GOLGA8R: variants seen among roughly 807,000 people sequenced by gnomAD.
GOLGA8R encodes golgin subfamily A member 8R.
GOLGA8R carries 6 observed loss-of-function variants against 21.4 expected under a neutral mutation model. That is an observed-to-expected ratio of 0.28 (90% CI 0.15 to 0.55). GOLGA8R has a LOEUF of 0.55. Among genes scored for constraint, GOLGA8R ranks in the 20% least tolerant of loss-of-function variants. GOLGA8R has a pLI of 0.94. For synonymous variants in GOLGA8R, 8 were observed against 49.3 expected (o/e 0.16, Z 3.51); for missense variants, 41 against 139.9 (o/e 0.29, Z 3.57).
intron 2 of GOLGA8R, chr15:30,411,992 C>T (rs1414923586): frequency 9.3e-5 from 13 of 140,000 alleles, no homozygotes; most frequent in East Asian, 5.6e-4. Flanking sequence ...TAATCTTGGC[C>T]ACTGCAAGCT....
rs1192036187 is a variant in GOLGA8R, at chr15:30,402,924, C to T, written c.*816G>A. On this transcript the variant is annotated 3_prime_UTR_variant, in exon 19 of 19. Transcript: ENST00000327271. ...ACCTTTCATTCCTCAGAAATAAGCCCTTTTTAGGTCATCGAAAAAGAGTGC... is the reference window on the plus strand; with the variant it reads ...ACCTTTCATTCCTCAGAAATAAGCCTTTTTTAGGTCATCGAAAAAGAGTGC... Among the ~76,000 whole-genome samples the T allele has an allele frequency of 1.6e-5, 2 of 124,488 alleles. No homozygotes were observed. Among genetic ancestry groups the T allele is most frequent in the African/African-American group, 6.2e-5 (2 of 32,186 alleles). The allele number at this position is 124,488 out of a possible 152,430, so 81.7% of individuals were successfully genotyped here. A position where few individuals can be genotyped will look rare whatever the true frequency, so the allele number is the denominator to read the frequency against.
rs1178820285 is a variant in GOLGA8R at position 30,400,838 on chromosome 15, AT to A, written c.*2901del. Among the ~76,000 whole-genome samples, 3 of 65,700 alleles carry A rather than the reference AT, an allele frequency of 4.6e-5. No homozygotes were observed. Among genetic ancestry groups the A allele is most frequent in the Non-Finnish European group, 7.6e-5 (2 of 26,358 alleles). 43.1% of individuals were successfully genotyped at this position (65,700 alleles called of 152,430 possible). ...TTCAGAACATTAAGATAGCAGTTAC[AT>A]TTTTTAATAGTTATTTTAAAATGAC... On this transcript the variant is annotated 3_prime_UTR_variant, in exon 19 of 19. Transcript: ENST00000327271.
At chr15:30,411,948 T>C (rs1183040005) in intron 2 of GOLGA8R, 5 of 166,390 alleles carry the variant, frequency 3.0e-5, no homozygotes, top group African/African-American at 1.9e-4. Flanking sequence ...TGAGACAGAG[T>C]CTTGCTCTGT....
chr15:30,407,984 T>G lies in GOLGA8R; in HGVS notation c.795A>C (p.Thr265=), dbSNP rs1354700330. 3 of 1,612,532 alleles carry G rather than the reference T, an allele frequency of 1.9e-6. No homozygotes were observed. Among genetic ancestry groups the G allele is most frequent in the Non-Finnish European group, 2.5e-6 (3 of 1,178,994 alleles). Reference sequence around the variant, plus strand: ...GCATATCCTGCTTCTCTTTCTTTAATGTGCAAATCTGCCCAAAGCACAGGG... The same window carrying G: ...GCATATCCTGCTTCTCTTTCTTTAAGGTGCAAATCTGCCCAAAGCACAGGG... The part of the protein sequence containing the change: ...RMSKMSQEIC[T]LKKEKQDMRW... Residue 265 remains threonine (T), a synonymous_variant, in exon 11 of 19, where the codon ACA becomes ACC. Transcript: ENST00000327271.
At chr15:30,407,751 A>T (rs1217704027) in intron 11 of GOLGA8R, among the ~76,000 whole-genome samples, 157 bp downstream of exon 11, 1 of 152,268 alleles carries the variant, frequency 6.6e-6, no homozygotes, top group Non-Finnish European at 1.5e-5. Flanking sequence ...AGACACTGAG[A>T]CTCACTGAGA....
chr15:30,412,056 C>T (rs2059128729), intron 2 of GOLGA8R: 2 of 19,760 alleles, frequency 1.0e-4, no homozygotes, highest in African/African-American at 1.5e-4. Context: ...GTAGCTGGGA[C>T]TACAGGCACA....
At chr15:30,410,342 A>C in intron 4 of GOLGA8R, 75 bp from the exon 5 acceptor site, 1 of 863,240 alleles carries the variant, frequency 1.2e-6, no homozygotes, top group Admixed American at 2.6e-5. Flanking sequence ...AGCGGTAGGC[A>C]GGGGCCAGGA....
rs1358009442 is a variant in GOLGA8R, at chr15:30,408,051, G to T, written c.787-59C>A. On this transcript the variant is annotated intron_variant, in intron 10 of 18. Coordinates refer to ENST00000327271, the MANE Select transcript of GOLGA8R (RefSeq NM_001282484.1). ...AGAGGGGCTGGTGGCTGGACAGGCTGCCCTCTCCTTCTCTGCCCCCACCCC... is the reference window on the plus strand; with the variant it reads ...AGAGGGGCTGGTGGCTGGACAGGCTTCCCTCTCCTTCTCTGCCCCCACCCC... 5 of 1,536,830 alleles carry T rather than the reference G, an allele frequency of 3.3e-6. No individual in the cohort carries two copies. In the African/African-American group the frequency reaches 4.1e-5, roughly 13 times the overall value.
Position 30,408,005 on chromosome 15 carries a change from C to G in GOLGA8R, c.787-13G>C, listed in dbSNP as rs1319379856. On this transcript the variant is annotated splice_polypyrimidine_tract_variant and intron_variant, in intron 10 of 18. Coordinates refer to ENST00000327271, the MANE Select transcript of GOLGA8R (RefSeq NM_001282484.1). ...TTAATGTGCAAATCTGCCCAAAGCA[C>G]AGGGGGAAAGGGCCCTGGAGAGAGG... 8 of 1,613,068 alleles carry G rather than the reference C, an allele frequency of 5.0e-6. No homozygotes were observed. In the East Asian group the frequency reaches 8.9e-5, roughly 18 times the overall value.
intron 2 of GOLGA8R, chr15:30,411,924 C>A (rs1422364553): frequency 5.9e-6 from 1 of 170,208 alleles, no homozygotes; most frequent in East Asian, 1.7e-4. Flanking sequence ...ACCCAGAATT[C>A]CTTTTTTTTT....
rs376941908 is a variant in GOLGA8R at position 30,407,587 on chromosome 15, C to A, written c.872-56G>T. On this transcript the variant is annotated intron_variant, in intron 11 of 18. Transcript: ENST00000327271. The stretch of plus-strand genomic sequence containing the variant: ...TGGATTCTCGGAAAAGAAAAACCCT[C>A]CTCTTGGCGCACAGCTCCTCTCAGG... 336 of 640,680 alleles carry A rather than the reference C, an allele frequency of 5.2e-4. No individual in the cohort carries two copies. The East Asian group carries it at 8.0e-3, about 15-fold the overall frequency. 39.7% of individuals were successfully genotyped at this position (640,680 alleles called of 1,614,324 possible). A position where few individuals can be genotyped will look rare whatever the true frequency, so the allele number is the denominator to read the frequency against.
In GOLGA8R at chr15:30,402,994, C is replaced by T. The variant is rs2059055284; in HGVS notation, c.*746G>A. On this transcript the variant is annotated 3_prime_UTR_variant, in exon 19 of 19. Coordinates refer to ENST00000327271, the MANE Select transcript of GOLGA8R (RefSeq NM_001282484.1). The stretch of plus-strand genomic sequence containing the variant: ...GCAGTATCTTCATGAGCCCAGAGCA[C>T]ATACAAATCCTAAGGGAACCACCAT... 7.6e-6 allele frequency among the ~76,000 whole-genome samples: 1 copy of T among 131,154 alleles called. No homozygotes were observed. The highest frequency in any genetic ancestry group is 1.7e-5 in the Non-Finnish European group (1 of 60,198). The allele number at this position is 131,154 out of a possible 152,430, so 86.0% of individuals were successfully genotyped here.
At position 30,402,677 on chromosome 15, in the gene GOLGA8R, T is replaced by A. The variant is rs1488283903; in HGVS notation, c.*1063A>T. On this transcript the variant is annotated 3_prime_UTR_variant, in exon 19 of 19. Transcript: ENST00000327271. Reference sequence around the variant, plus strand: ...TCCTTCACTCTAATTCATTCTTGACTAGAGCCTGTATGCCTGTTCCAGGGA... The same window carrying A: ...TCCTTCACTCTAATTCATTCTTGACAAGAGCCTGTATGCCTGTTCCAGGGA... Among the ~76,000 whole-genome samples the A allele has an allele frequency of 3.5e-5, 1 of 28,484 alleles. No individual in the cohort carries two copies. Among genetic ancestry groups the A allele is most frequent in the Non-Finnish European group, 6.6e-5 (1 of 15,178 alleles). 18.7% of individuals were successfully genotyped at this position (28,484 alleles called of 152,430 possible). A position where few individuals can be genotyped will look rare whatever the true frequency, so the allele number is the denominator to read the frequency against.
chr15:30,408,025 G>A (rs553281107), intron 10 of GOLGA8R, 33 bp from the exon 11 acceptor site: 5 of 1,612,312 alleles, frequency 3.1e-6, no homozygotes, highest in Non-Finnish European at 3.4e-6. Flanking sequence ...GGGCCCTGGA[G>A]AGAGGGGCTG....
In GOLGA8R at chr15:30,407,954, C is replaced by A. The variant is rs1289548858; in HGVS notation, c.825G>T (p.Trp275Cys). ...ACAAGCTCCACTCCAGCTGCTCTAC[C>A]CAACGCATATCCTGCTTCTCTTTCT... is the stretch of plus-strand genomic sequence containing the variant. ...TLKKEKQDMR[W>C]VEQLEWSLSK... The change falls in exon 11 of 19, where the codon TGG (tryptophan) becomes TGT (cysteine). Residue 275 changes from tryptophan (W) to cysteine (C), a missense_variant. By Grantham distance (215) the Trp-to-Cys change is radical (BLOSUM62 -2). This residue lies in a region of GOLGA8R where 38 missense variants were observed against 32.6 expected (regional missense o/e 1.17). Coordinates refer to ENST00000327271, the MANE Select transcript of GOLGA8R (RefSeq NM_001282484.1). The A allele has an allele frequency of 1.9e-6, 3 of 1,595,906 alleles. No individual in the cohort carries two copies. The highest frequency in any genetic ancestry group is 2.6e-6 in the Non-Finnish European group (3 of 1,164,108).
rs1567413949 is a variant in GOLGA8R at position 30,407,981 on chromosome 15, T to G, written c.798A>C (p.Leu266Phe). 6.2e-7 allele frequency: 1 copy of G among 1,612,110 alleles called. No homozygotes were observed. The highest frequency in any genetic ancestry group is 1.1e-5 in the South Asian group (1 of 91,022). ...AACGCATATCCTGCTTCTCTTTCTT[T>G]AATGTGCAAATCTGCCCAAAGCACA... ...MSKMSQEICT[L>F]KKEKQDMRWV... The change falls in exon 11 of 19, where the codon TTA (leucine) becomes TTC (phenylalanine). Residue 266 changes from leucine (L) to phenylalanine (F), a missense_variant. This residue lies in a region of GOLGA8R where 38 missense variants were observed against 32.6 expected (regional missense o/e 1.17). Coordinates refer to ENST00000327271, the MANE Select transcript of GOLGA8R (RefSeq NM_001282484.1).
In GOLGA8R at chr15:30,407,945, C is replaced by T. The variant is rs1201052196; in HGVS notation, c.834G>A (p.Gln278=). The change falls in exon 11 of 19, where the codon CAG becomes CAA. Residue 278 remains glutamine, a synonymous_variant. Coordinates refer to ENST00000327271, the MANE Select transcript of GOLGA8R (RefSeq NM_001282484.1). ...TGAGTTTGGACAAGCTCCACTCCAG[C>T]TGCTCTACCCAACGCATATCCTGCT... ...KEKQDMRWVE[Q]LEWSLSKLKN... 1 of 1,608,172 alleles carries T rather than the reference C, an allele frequency of 6.2e-7. No individual in the cohort carries two copies. Among genetic ancestry groups the T allele is most frequent in the Non-Finnish European group, 8.5e-7 (1 of 1,175,172 alleles).
At chr15:30,406,884 C>A (rs1329144790) in intron 13 of GOLGA8R, 67 bp downstream of exon 13, 1 of 28,482 alleles carries the variant, frequency 3.5e-5, no homozygotes, top group South Asian at 3.5e-4. Flanking sequence ...GGCACCTCCC[C>A]TCCCAAGAGG....
chr15:30,408,049 C>A lies in GOLGA8R; in HGVS notation c.787-57G>T, dbSNP rs373501815. 19 of 1,572,462 alleles carry A rather than the reference C, an allele frequency of 1.2e-5. No individual in the cohort carries two copies. In the South Asian group the frequency reaches 1.7e-4, roughly 14 times the overall value. On this transcript the variant is annotated intron_variant, in intron 10 of 18. Transcript: ENST00000327271. ...AGAGAGGGGCTGGTGGCTGGACAGGCTGCCCTCTCCTTCTCTGCCCCCACC... is the reference window on the plus strand; with the variant it reads ...AGAGAGGGGCTGGTGGCTGGACAGGATGCCCTCTCCTTCTCTGCCCCCACC...
Sources: allele counts gnomAD v4.1 joint callset (sites outside exome capture counted in the v4.1 genomes callset), GRCh38; gene constraint gnomAD v4.1.1; regional missense constraint gnomAD v4.1.1; transcripts MANE v1.5; gene names NCBI Gene and HGNC (gene_info 2026-07-23, HGNC 2026-07-21).